LRRTM4: variants seen among roughly 807,000 people sequenced by gnomAD.
LRRTM4 encodes leucine-rich repeat transmembrane neuronal protein 4.
A neutral mutation model predicts 47.6 loss-of-function variants in LRRTM4; 25 were observed. The observed-to-expected ratio is 0.53, with a 90% CI of 0.38 to 0.73. The LOEUF is 0.73. LRRTM4 is among the 30% of genes least tolerant of loss of function. The pLI is 0.00. For missense variants in LRRTM4, 638 were observed against 713.4 expected (o/e 0.89, Z 1.20); for synonymous variants, 311 against 269.5 (o/e 1.15, Z -1.51).
chr2:77,032,563 G>C (rs1371361296), intron 3 of LRRTM4, among the ~76,000 whole-genome samples: 1 of 151,916 alleles, frequency 6.6e-6, no homozygotes, highest in African/African-American at 2.4e-5. Flanking sequence ...TAATTGAATA[G>C]ATGAAAAAAA....
intron 3 of LRRTM4, among the ~76,000 whole-genome samples, chr2:77,297,683 A>G (rs555642433): frequency 1.3e-5 from 2 of 152,190 alleles, no homozygotes; most frequent in East Asian, 1.9e-4. Context: ...TGCTGTCCCT[A>G]TGGCAGTAAT....
chr2:77,069,990 G>A (rs1462262943), intron 3 of LRRTM4, among the ~76,000 whole-genome samples: 1 of 152,048 alleles, frequency 6.6e-6, no homozygotes, highest in African/African-American at 2.4e-5. Context: ...CTCCAGTTGG[G>A]TCAAATGAAA....
intron 3 of LRRTM4, among the ~76,000 whole-genome samples, chr2:76,902,674 G>C (rs976292133): frequency 6.6e-6 from 1 of 152,174 alleles, no homozygotes; most frequent in Non-Finnish European, 1.5e-5. Context: ...GTGTACATTA[G>C]TAAATTTTGC....
chr2:76,829,916 A>G (rs1470315425), intron 3 of LRRTM4, among the ~76,000 whole-genome samples: 1 of 152,046 alleles, frequency 6.6e-6, no homozygotes, highest in Non-Finnish European at 1.5e-5. Context: ...GTGAAGAAAC[A>G]TGCATGGACA....
intron 3 of LRRTM4, among the ~76,000 whole-genome samples, chr2:76,937,653 C>A (rs1229489217): frequency 6.6e-6 from 1 of 152,202 alleles, no homozygotes; most frequent in East Asian, 1.9e-4. Context: ...ACTGCAACCT[C>A]CGCCTCCCGT....
In LRRTM4 at chr2:77,447,019, T is replaced by A. The variant is rs553743267; in HGVS notation, c.1551+71299A>T. Among the ~76,000 whole-genome samples, 10 of 152,030 alleles carry A rather than the reference T, an allele frequency of 6.6e-5. No homozygotes were observed. In the East Asian group the frequency reaches 1.9e-3, roughly 29 times the overall value. ...TAAAGGTGGAGGCAGTAGAAAAATC[T>A]AGTGATGCAAAACAATTTTTTAAAC... On this transcript the variant is annotated intron_variant, in intron 3 of 3. Transcript: ENST00000409884.
At chr2:77,032,217 CCTT>C (rs1221066050) in intron 3 of LRRTM4, among the ~76,000 whole-genome samples, 5 of 152,080 alleles carry the variant, frequency 3.3e-5, no homozygotes, top group African/African-American at 1.2e-4. Context: ...TTTACCATTC[CCTT>C]CTTCTGAAGC....
chr2:76,760,912 C>A (rs1306992966), intron 3 of LRRTM4, among the ~76,000 whole-genome samples: 1 of 152,158 alleles, frequency 6.6e-6, no homozygotes, highest in Admixed American at 6.5e-5. Flanking sequence ...ATCCGAAATG[C>A]CTTTAGAGCA....
chr2:77,160,776 C>T (rs1672705026), intron 3 of LRRTM4, among the ~76,000 whole-genome samples: 1 of 152,126 alleles, frequency 6.6e-6, no homozygotes. Flanking sequence ...TGAAACTGCC[C>T]TCATAAAATT....
Position 77,236,277 on chromosome 2 carries a change from T to C in LRRTM4, c.1551+282041A>G, listed in dbSNP as rs966719799. Among the ~76,000 whole-genome samples, 10 of 152,256 alleles carry C rather than the reference T, an allele frequency of 6.6e-5. No individual in the cohort carries two copies. The South Asian group carries it at 2.1e-3, about 32-fold the overall frequency. On this transcript the variant is annotated intron_variant, in intron 3 of 3. Coordinates refer to ENST00000409884, the MANE Select transcript of LRRTM4 (RefSeq NM_001134745.3). Reference sequence around the variant, plus strand: ...TTCCTATTTTACTTTTGTGTGGCTATTGTAAATGTAATTGCATTCTTGATT... The same window carrying C: ...TTCCTATTTTACTTTTGTGTGGCTACTGTAAATGTAATTGCATTCTTGATT...
At position 77,058,113 on chromosome 2, in the gene LRRTM4, C is replaced by T. The variant is rs188706994; in HGVS notation, c.1552-309197G>A. Among the ~76,000 whole-genome samples, 7 of 152,128 alleles carry T rather than the reference C, an allele frequency of 4.6e-5. No individual in the cohort carries two copies. In the East Asian group the frequency reaches 1.2e-3, roughly 25 times the overall value. ...CATGGTAATGTCTATTTTTTCTAGC[C>T]CTGATTCCTTCAGTTTTCTAATTCA... On this transcript the variant is annotated intron_variant, in intron 3 of 3. Transcript: ENST00000409884.
intron 3 of LRRTM4, among the ~76,000 whole-genome samples, chr2:77,334,562 C>T (rs1257307252): frequency 6.6e-6 from 1 of 152,180 alleles, no homozygotes; most frequent in Non-Finnish European, 1.5e-5. Flanking sequence ...GTGACTTACT[C>T]CTCCTTGCCT....
intron 3 of LRRTM4, among the ~76,000 whole-genome samples, chr2:76,849,179 T>TG (rs1192668457): frequency 6.6e-6 from 1 of 151,916 alleles, no homozygotes; most frequent in African/African-American, 2.4e-5. Context: ...GAGAGTAATG[T>TG]GGGGGGTGAC....
At chr2:76,805,417 A>G (rs923129868) in intron 3 of LRRTM4, among the ~76,000 whole-genome samples, 1 of 152,164 alleles carries the variant, frequency 6.6e-6, no homozygotes, top group Non-Finnish European at 1.5e-5. Context: ...AAAGGTGACA[A>G]AAGAGGTTCT....
intron 3 of LRRTM4, among the ~76,000 whole-genome samples, chr2:77,403,165 T>C (rs933335196): frequency 1.1e-4 from 16 of 152,014 alleles, no homozygotes; most frequent in African/African-American, 3.9e-4. Context: ...AAATGTAAAG[T>C]ACCTAATCTG....
At chr2:77,171,059 A>C (rs1189203028) in intron 3 of LRRTM4, among the ~76,000 whole-genome samples, 1 of 151,926 alleles carries the variant, frequency 6.6e-6, no homozygotes, top group East Asian at 1.9e-4. Context: ...TAGTACACAC[A>C]CACATACATA....
chr2:76,748,289 TC>T lies in LRRTM4; in HGVS notation c.*405del, dbSNP rs1672715644. ...ACACCTAAAGAGGAAAACGGTTGTT[TC>T]CCTAGCTTCCCACCCACCCCTGTTT... On this transcript the variant is annotated 3_prime_UTR_variant, in exon 4 of 4. Transcript: ENST00000409884. The T allele has an allele frequency of 6.0e-6, 1 of 165,662 alleles. No homozygotes were observed. Among genetic ancestry groups the T allele is most frequent in the Non-Finnish European group, 1.3e-5 (1 of 76,784 alleles). 10.3% of individuals were successfully genotyped at this position (165,662 alleles called of 1,614,324 possible).
chr2:77,221,724 C>T (rs541763443), intron 3 of LRRTM4, among the ~76,000 whole-genome samples: 114 of 152,082 alleles, frequency 7.5e-4, no homozygotes, highest in African/African-American at 2.7e-3. Context: ...GAGTGACCTA[C>T]AAAGAGACTT....
chr2:77,380,146 G>C (rs1009382417), intron 3 of LRRTM4, among the ~76,000 whole-genome samples: 9 of 151,980 alleles, frequency 5.9e-5, no homozygotes, highest in African/African-American at 2.2e-4. Context: ...TTTACAACAA[G>C]GGCAACTATT....
Sources: gnomAD v4.1 joint callset for allele counts (sites outside exome capture counted in the v4.1 genomes callset) on GRCh38, gnomAD v4.1.1 for gene constraint, MANE v1.5 for transcripts, NCBI Gene and HGNC (gene_info 2026-07-23, HGNC 2026-07-21) for gene names.